SPATA13: variants seen among roughly 807,000 people sequenced by gnomAD.
SPATA13 encodes spermatogenesis-associated protein 13.
SPATA13 carries 50 observed loss-of-function variants against 104.0 expected under a neutral mutation model. The ratio of observed to expected loss-of-function variants is 0.48; its 90% CI spans 0.38 to 0.61. SPATA13 has a LOEUF of 0.61. Among genes scored for constraint, SPATA13 ranks in the 20% least tolerant of loss-of-function variants. The pLI, the probability that SPATA13 is intolerant of heterozygous loss-of-function variation, is 0.00. For synonymous variants in SPATA13, 606 were observed against 667.5 expected (o/e 0.91, Z 1.42); for missense variants, 1,524 against 1,690.6 (o/e 0.90, Z 1.73).
At chr13:24,274,702 C>G (rs552772880) in intron 4 of SPATA13, among the ~76,000 whole-genome samples, 1 of 152,338 alleles carries the variant, frequency 6.6e-6, no homozygotes, top group African/African-American at 2.4e-5. Flanking sequence ...TATCTCAACT[C>G]TGAGGAAGTC....
Position 24,223,906 on chromosome 13 carries a change from A to G in SPATA13, c.977A>G (p.Asn326Ser), listed in dbSNP as rs1396208246. ...DFDRVFKLVS[N>S]VTEAAWRRES... ...GACAGAGTCTTCAAACTTGTGAGCA[A>G]TGTGACTGAGGCTGCCTGGAGGAGG... Residue 326 changes from asparagine to serine, a missense_variant, in exon 2 of 13, where the codon AAT becomes AGT. By Grantham distance (46) the Asn-to-Ser change is conservative. Transcript: ENST00000382108. 3 of 1,551,526 alleles carry G rather than the reference A, an allele frequency of 1.9e-6. No homozygotes were observed. Among genetic ancestry groups the G allele is most frequent in the Non-Finnish European group, 2.6e-6 (3 of 1,146,994 alleles).
rs75559564 is a variant in SPATA13 at position 24,222,189 on chromosome 13, T to A, written c.-111-630T>A. On this transcript the variant is annotated intron_variant, in intron 1 of 12. Transcript: ENST00000382108. ...CCAGTTGGAAAAAGACCCCCACCAATGTGTTTCCTTCTCAGAGGCTGCCCT... is the reference window on the plus strand; with the variant it reads ...CCAGTTGGAAAAAGACCCCCACCAAAGTGTTTCCTTCTCAGAGGCTGCCCT... 0.017 allele frequency among the ~76,000 whole-genome samples: 2,529 copies of A among 152,220 alleles called. 130 individuals are homozygous for A. The East Asian group carries it at 0.18, about 11-fold the overall frequency.
chr13:24,179,202 A>G (rs993291798), intron 1 of SPATA13, among the ~76,000 whole-genome samples: 1 of 152,114 alleles, frequency 6.6e-6, no homozygotes, highest in Non-Finnish European at 1.5e-5. Flanking sequence ...GGTTGTTTGT[A>G]CTTTTTAGCT....
At chr13:24,044,237 T>TC (rs1878046634) in intron 3 of SPATA13, among the ~76,000 whole-genome samples, 1 of 109,884 alleles carries the variant, frequency 9.1e-6, no homozygotes, top group Non-Finnish European at 2.2e-5. Context: ...TTCTTTCTTT[T>TC]TTTTTTTTTT....
intron 1 of SPATA13, among the ~76,000 whole-genome samples, chr13:24,188,348 A>T (rs1183602577): frequency 3.3e-5 from 5 of 151,970 alleles, no homozygotes; most frequent in African/African-American, 4.8e-5. Context: ...AAATAATAAA[A>T]AAAAAAAGTG....
chr13:24,164,247 CATAG>C (rs1252724484), intron 1 of SPATA13, among the ~76,000 whole-genome samples: 6 of 152,330 alleles, frequency 3.9e-5, no homozygotes, highest in South Asian at 4.1e-4. Flanking sequence ...AAAGGGGGAG[CATAG>C]AGTAGGTTGC....
At chr13:24,052,161 G>A (rs1458472364) in intron 3 of SPATA13, among the ~76,000 whole-genome samples, 1 of 152,182 alleles carries the variant, frequency 6.6e-6, no homozygotes, top group Non-Finnish European at 1.5e-5. Context: ...AGGAAGCACG[G>A]TTCTCAAGAA....
At chr13:24,263,358 G>A (rs879589780) in intron 4 of SPATA13, among the ~76,000 whole-genome samples, 1 of 152,226 alleles carries the variant, frequency 6.6e-6, no homozygotes, top group Non-Finnish European at 1.5e-5. Flanking sequence ...TGGATTGTTA[G>A]GTGGGGATGC....
At chr13:24,026,556 T>A (rs1877224449) in intron 3 of SPATA13, among the ~76,000 whole-genome samples, 1 of 152,210 alleles carries the variant, frequency 6.6e-6, no homozygotes, top group Admixed American at 6.5e-5. Context: ...GGATACAAAC[T>A]GCTGTTTATT....
intron 2 of SPATA13, among the ~76,000 whole-genome samples, chr13:24,016,682 C>T (rs894032758): frequency 6.6e-6 from 1 of 152,216 alleles, no homozygotes; most frequent in Non-Finnish European, 1.5e-5. Context: ...TCCTGAGCTG[C>T]GTGTCCCCAG....
upstream of SPATA13, among the ~76,000 whole-genome samples, chr13:24,159,511 A>G (rs1176803386): frequency 6.6e-6 from 1 of 152,160 alleles, no homozygotes; most frequent in Non-Finnish European, 1.5e-5. Flanking sequence ...CCCTCCCTCC[A>G]CACACAGCTG....
chr13:24,144,423 C>T (rs532723902), intron 3 of SPATA13, among the ~76,000 whole-genome samples: 4 of 152,282 alleles, frequency 2.6e-5, no homozygotes, highest in East Asian at 1.9e-4. Flanking sequence ...TCACTCAGCA[C>T]CTTCTGTGTT....
intron 2 of SPATA13, among the ~76,000 whole-genome samples, chr13:24,227,263 G>A (rs1290042505): frequency 6.6e-6 from 1 of 152,074 alleles, no homozygotes. Flanking sequence ...TTTATTTTCT[G>A]CTTAACAGAA....
chr13:23,998,926 TG>T (rs1481172257), intron 2 of SPATA13, among the ~76,000 whole-genome samples: 1 of 71,222 alleles, frequency 1.4e-5, no homozygotes, highest in African/African-American at 6.0e-5. Context: ...TCACTAACTT[TG>T]GTTTTTTTTT....
chr13:24,105,919 G>A (rs1880432809), intron 3 of SPATA13, among the ~76,000 whole-genome samples: 1 of 152,200 alleles, frequency 6.6e-6, no homozygotes, highest in African/African-American at 2.4e-5. Context: ...CAAGGAGGGA[G>A]GCCTCAGAAG....
At chr13:24,155,515 T>C (rs1287505711) in intron 3 of SPATA13, among the ~76,000 whole-genome samples, 1 of 152,136 alleles carries the variant, frequency 6.6e-6, no homozygotes, top group Non-Finnish European at 1.5e-5. Flanking sequence ...AGATTCATTA[T>C]TTAAAGTGGG....
At chr13:23,989,816 T>A (rs927764) in intron 2 of SPATA13, among the ~76,000 whole-genome samples, 2 of 152,186 alleles carry the variant, frequency 1.3e-5, no homozygotes, top group African/African-American at 4.8e-5. Context: ...AGAAGCCTGA[T>A]GAACAGGGTT....
chr13:24,284,933 G>C (rs80088429), intron 5 of SPATA13, among the ~76,000 whole-genome samples: 1 of 152,138 alleles, frequency 6.6e-6, no homozygotes, highest in African/African-American at 2.4e-5. Flanking sequence ...ACTGGCTGGC[G>C]AATGGCAGAG....
At chr13:24,288,532 C>A (rs188805161) in intron 7 of SPATA13, among the ~76,000 whole-genome samples, 1 of 152,282 alleles carries the variant, frequency 6.6e-6, no homozygotes, top group East Asian at 1.9e-4. Context: ...TTGATGCTGT[C>A]CATAGAAAGG....
Sources: allele counts gnomAD v4.1 joint callset (sites outside exome capture counted in the v4.1 genomes callset), GRCh38; gene constraint gnomAD v4.1.1; transcripts MANE v1.5; gene names NCBI Gene and HGNC (gene_info 2026-07-23, HGNC 2026-07-21).